Variants in AIDA observed in about 807,000 individuals in gnomAD.
The protein encoded by AIDA is axin interactor, dorsalization associated.
In AIDA, 18 loss-of-function variants were observed where a neutral mutation model predicts 42.7. That is an observed-to-expected ratio of 0.42 (90% CI 0.29 to 0.63). AIDA has a LOEUF of 0.63. Ranked by LOEUF, AIDA falls within the 20% of genes least tolerant of loss-of-function variation. AIDA has a pLI of 0.19. For missense variants in AIDA, 250 were observed against 354.1 expected (o/e 0.71, Z 2.36); for synonymous variants, 104 against 122.9 (o/e 0.85, Z 1.02).
Position 222,686,930 on chromosome 1 carries a change from C to T in AIDA, c.460G>A (p.Gly154Ser), listed in dbSNP as rs758360831. 1.9e-5 allele frequency: 31 copies of T among 1,612,948 alleles called. No homozygotes were observed. The highest frequency in any genetic ancestry group is 3.3e-5 in the South Asian group (3 of 90,910). ...TTTATTTTTAATAAGTGATACCTAC[C>T]GGGAACTCTAGCAGGAAAAGAATCA... ...SPDSFPARVP[G>S]TLLPRLPSEP... is the part of the protein sequence containing the mutation. The change falls in exon 6 of 10, where the codon GGT becomes AGT. Residue 154 changes from glycine to serine, a missense_variant and splice_region_variant. Gly to Ser is a moderately conservative substitution (Grantham distance 56). This residue lies in a region of AIDA where 199 missense variants were observed against 232.6 expected (regional missense o/e 0.86). Transcript: ENST00000340020.
chr1:222,686,405 G>T (rs1448621573), intron 6 of AIDA, among the ~76,000 whole-genome samples: 1 of 152,138 alleles, frequency 6.6e-6, no homozygotes, highest in Non-Finnish European at 1.5e-5. Context: ...CTGGAATTGT[G>T]GTCTGTGCCA....
At chr1:222,676,914 C>CA (rs1213227878) in intron 6 of AIDA, among the ~76,000 whole-genome samples, 125 of 125,534 alleles carry the variant, frequency 1.0e-3, no homozygotes, top group African/African-American at 3.4e-3. Flanking sequence ...AACACTGAAG[C>CA]AAAAAAACCA....
chr1:222,695,400 G>T (rs1184733366), intron 2 of AIDA, among the ~76,000 whole-genome samples: 1 of 152,226 alleles, frequency 6.6e-6, no homozygotes, highest in Non-Finnish European at 1.5e-5. Flanking sequence ...GCTGAGGCGG[G>T]AGAATCGCTT....
At chr1:222,704,293 T>C (rs975470933) in intron 1 of AIDA, among the ~76,000 whole-genome samples, 1 of 152,108 alleles carries the variant, frequency 6.6e-6, no homozygotes, top group South Asian at 2.1e-4. Context: ...AAATATAGAC[T>C]TACTGTATGA....
chr1:222,700,971 T>TTG lies in AIDA; in HGVS notation c.180+2176_180+2177insCA, dbSNP rs1553295514. On this transcript the variant is annotated intron_variant, in intron 2 of 9. Transcript: ENST00000340020. ...GATAGACTCATTTCTTGATTTTTTT[T>TTG]GGGGGGGGGGGGACAGGGTCTCACT... 2.4e-3 allele frequency among the ~76,000 whole-genome samples: 248 copies of TTG among 105,008 alleles called. 17 individuals carry two copies. The highest frequency in any genetic ancestry group is 0.021 in the South Asian group (66 of 3,098). The allele number at this position is 105,008 out of a possible 152,430, so 68.9% of individuals were successfully genotyped here. A position where few individuals can be genotyped will look rare whatever the true frequency, so the allele number is the denominator to read the frequency against.
At chr1:222,693,009 G>A (rs1655409644) in intron 4 of AIDA, among the ~76,000 whole-genome samples, 1 of 152,000 alleles carries the variant, frequency 6.6e-6, no homozygotes, top group South Asian at 2.1e-4. Context: ...GGCTACTAAG[G>A]GCTGAAGTGA....
At chr1:222,698,632 G>C (rs1655587100) in intron 2 of AIDA, among the ~76,000 whole-genome samples, 1 of 151,818 alleles carries the variant, frequency 6.6e-6, no homozygotes, top group Non-Finnish European at 1.5e-5. Flanking sequence ...TGTATTTTTA[G>C]TAGAGACGGG....
chr1:222,681,275 C>G (rs1470923249), intron 6 of AIDA, among the ~76,000 whole-genome samples: 1 of 152,190 alleles, frequency 6.6e-6, no homozygotes, highest in Non-Finnish European at 1.5e-5. Context: ...CACTGAAGTG[C>G]TGCTATCAAA....
intron 4 of AIDA, among the ~76,000 whole-genome samples, chr1:222,689,578 TATAC>T (rs1199584625): frequency 6.0e-5 from 8 of 133,042 alleles, no homozygotes; most frequent in African/African-American, 1.7e-4. Flanking sequence ...TGTATATATA[TATAC>T]ACACACACAC....
chr1:222,709,715 T>G (rs1287325314), intron 1 of AIDA, among the ~76,000 whole-genome samples: 2 of 152,204 alleles, frequency 1.3e-5, no homozygotes, highest in African/African-American at 4.8e-5. Flanking sequence ...GGCAGAACTA[T>G]GTTCCAGGAA....
intron 1 of AIDA, 118 bp downstream of exon 1, chr1:222,712,090 C>T: frequency 6.8e-7 from 1 of 1,473,112 alleles, no homozygotes; most frequent in Non-Finnish European, 9.2e-7. Flanking sequence ...CCAGTGCCTG[C>T]GGAGCCCCAC....
At chr1:222,681,638 G>A (rs1664654444) in intron 6 of AIDA, among the ~76,000 whole-genome samples, 1 of 152,162 alleles carries the variant, frequency 6.6e-6, no homozygotes, top group Admixed American at 6.5e-5. Context: ...ACTCCAGCCT[G>A]GGCGACAGAG....
intron 8 of AIDA, among the ~76,000 whole-genome samples, chr1:222,670,933 T>C (rs1013644563): frequency 2.6e-5 from 4 of 152,086 alleles, no homozygotes; most frequent in African/African-American, 9.7e-5. Context: ...ATTTAGACAG[T>C]TCTGGCCGGG....
At chr1:222,695,192 C>T (rs1655483696) in intron 2 of AIDA, among the ~76,000 whole-genome samples, 1 of 152,118 alleles carries the variant, frequency 6.6e-6, no homozygotes, top group Non-Finnish European at 1.5e-5. Flanking sequence ...CAGATCTGCC[C>T]TTTAAGAAGA....
chr1:222,672,786 C>T (rs1163292288), intron 8 of AIDA, among the ~76,000 whole-genome samples: 1 of 152,210 alleles, frequency 6.6e-6, no homozygotes, highest in African/African-American at 2.4e-5. Context: ...TCTGAAGTCA[C>T]CTTTTTGGAG....
Position 222,676,228 on chromosome 1 carries a change from G to C in AIDA, c.461-10C>G. ...CTTGGTAATAAAGTACCTGGCAACA[G>C]AGAAAAAGCAATAAAAGCTCCATAT... On this transcript the variant is annotated splice_polypyrimidine_tract_variant and intron_variant, in intron 6 of 9. Coordinates refer to ENST00000340020, the MANE Select transcript of AIDA (RefSeq NM_022831.4). 9 of 1,603,272 alleles carry C rather than the reference G, an allele frequency of 5.6e-6. No individual in the cohort carries two copies. Among genetic ancestry groups the C allele is most frequent in the Non-Finnish European group, 7.6e-6 (9 of 1,176,596 alleles).
chr1:222,702,898 A>AT (rs1276710948), intron 2 of AIDA, among the ~76,000 whole-genome samples: 1 of 152,220 alleles, frequency 6.6e-6, no homozygotes, highest in Non-Finnish European at 1.5e-5. Flanking sequence ...GGTCTCCACT[A>AT]AAGTTAAGCA....
At chr1:222,712,166 G>T (rs1391734963) in intron 1 of AIDA, 42 bp downstream of exon 1, 2 of 1,558,198 alleles carry the variant, frequency 1.3e-6, no homozygotes, top group South Asian at 1.2e-5. Flanking sequence ...AGAGGCGCAC[G>T]ACTGGAGCCG....
rs1571936613 is a variant in AIDA at position 222,695,932 on chromosome 1, C to A, written c.181-1669G>T. 7.9e-5 allele frequency among the ~76,000 whole-genome samples: 12 copies of A among 152,210 alleles called. No homozygotes were observed. In the South Asian group the frequency reaches 2.5e-3, roughly 32 times the overall value. On this transcript the variant is annotated intron_variant, in intron 2 of 9. Coordinates refer to ENST00000340020, the MANE Select transcript of AIDA (RefSeq NM_022831.4). ...GTGAATAAGGAGCAAATTGGAGTAA[C>A]AAGTGCCATCCTGGCCCCTAGCACT...
Sources: allele counts gnomAD v4.1 joint callset (sites outside exome capture counted in the v4.1 genomes callset), GRCh38; gene constraint gnomAD v4.1.1; regional missense constraint gnomAD v4.1.1; transcripts MANE v1.5; gene names NCBI Gene and HGNC (gene_info 2026-07-23, HGNC 2026-07-21).